STARD13: variants seen among roughly 807,000 people sequenced by gnomAD.
STARD13 encodes the protein StAR related lipid transfer domain containing 13.
A neutral mutation model predicts 106.4 loss-of-function variants in STARD13; 62 were observed. That is an observed-to-expected ratio of 0.58 (90% confidence interval 0.48 to 0.72). The LOEUF is 0.72. STARD13 is among the 30% of genes least tolerant of loss of function. The pLI is 0.00. For synonymous variants in STARD13, 565 were observed against 553.0 expected, an observed-to-expected ratio of 1.02 and a Z score of -0.31; for missense variants, 1,387 against 1,424.0, an observed-to-expected ratio of 0.97 and a Z score of 0.42.
chr13:33,196,383 AAAC>A (rs2138071775), intron 1 of STARD13, among the ~76,000 whole-genome samples: 1 of 152,358 alleles, frequency 6.6e-6, no homozygotes, highest in African/African-American at 2.4e-5. Flanking sequence ...CTGTCTCAAA[AAAC>A]AATAATAATA....
At chr13:33,377,588 C>G in the STARD13 span, among the ~76,000 whole-genome samples, 1 of 151,470 alleles carries the variant, frequency 6.6e-6, no homozygotes, top group African/African-American at 2.4e-5. Flanking sequence ...TATTCTCCCC[C>G]ACCCCCGCTT....
the STARD13 span, among the ~76,000 whole-genome samples, chr13:33,669,410 C>T: frequency 6.6e-6 from 1 of 152,144 alleles, no homozygotes; most frequent in African/African-American, 2.4e-5. Context: ...CCTCTCATGC[C>T]TGGGTTCACT....
In STARD13 at chr13:33,129,653, C is replaced by T. The variant is rs551073805; in HGVS notation, c.1024G>A (p.Gly342Arg). 9.9e-6 allele frequency: 16 copies of T among 1,613,980 alleles called. No homozygotes were observed. The highest frequency in any genetic ancestry group is 3.3e-5 in the South Asian group (3 of 91,082). Residue 342 changes from glycine (G) to arginine (R), a missense_variant, in exon 5 of 14, where the codon GGG (glycine) becomes AGG (arginine). By Grantham distance (125) the Gly-to-Arg change is moderately radical. Coordinates refer to ENST00000336934, the MANE Select transcript of STARD13 (RefSeq NM_178006.4). ...TCCTTCAGGCAGGGCGTGCTCACCC[C>T]GCTGCTGCTGTGCTCCGACGGGCTG... is the stretch of plus-strand genomic sequence containing the variant. ...ESSPSEHSSS[G>R]VSTPCLKERK...
intron 12 of STARD13, among the ~76,000 whole-genome samples, chr13:33,107,877 TCCC>T (rs1454200729): frequency 7.9e-5 from 12 of 152,172 alleles, no homozygotes; most frequent in African/African-American, 2.9e-4. Flanking sequence ...TTATTAGAAT[TCCC>T]ATGATTTACT....
At chr13:33,593,094 C>G in the STARD13 span, among the ~76,000 whole-genome samples, 1 of 152,190 alleles carries the variant, frequency 6.6e-6, no homozygotes, top group African/African-American at 2.4e-5. Context: ...ACATGTGCCT[C>G]TATGAGCCAA....
the STARD13 span, among the ~76,000 whole-genome samples, chr13:33,606,966 G>A: frequency 0.015 from 2,268 of 152,226 alleles, 50 homozygotes; most frequent in East Asian, 0.049. Flanking sequence ...TGGATAATCC[G>A]GGTTAATCTC....
chr13:33,349,112 C>T (rs1195925393), exon 2 of STARD13: 17 of 702,056 alleles, frequency 2.4e-5, no homozygotes, highest in Admixed American at 1.0e-4. Flanking sequence ...TTAAATCTCC[C>T]GCTTCACCAG....
At position 33,105,536 on chromosome 13, in the gene STARD13, C is replaced by T; in HGVS notation, c.*57G>A. The T allele has an allele frequency of 2.4e-6, 3 of 1,228,796 alleles. No individual in the cohort carries two copies. Among genetic ancestry groups the T allele is most frequent in the East Asian group, 2.3e-5 (1 of 43,116 alleles). The allele number at this position is 1,228,796 out of a possible 1,614,324, so 76.1% of individuals were successfully genotyped here. ...CGCTTTCTCACATGCACACTCTCTGCCACACTCGTCACTTTAGCTTCCTCT... is the reference window on the plus strand; with the variant it reads ...CGCTTTCTCACATGCACACTCTCTGTCACACTCGTCACTTTAGCTTCCTCT... On this transcript the variant is annotated 3_prime_UTR_variant, in exon 14 of 14. Transcript: ENST00000336934.
rs1363975635 is a variant in STARD13 at position 33,113,635 on chromosome 13, G to T, written c.2282-704C>A. ...CAGCGTCACCTGTTCCATAATCTTG[G>T]GGTTTATGGAAATGGAGGCTGTGCT... On this transcript the variant is annotated intron_variant, in intron 8 of 13. Coordinates refer to ENST00000336934, the MANE Select transcript of STARD13 (RefSeq NM_178006.4). 22 of 481,408 alleles carry T rather than the reference G, an allele frequency of 4.6e-5. No homozygotes were observed. In the Admixed American group the frequency reaches 4.8e-4, roughly 11 times the overall value. The allele number at this position is 481,408 out of a possible 1,614,324, so 29.8% of individuals were successfully genotyped here.
At chr13:33,472,550 A>C in the STARD13 span, among the ~76,000 whole-genome samples, 1 of 152,066 alleles carries the variant, frequency 6.6e-6, no homozygotes, top group Non-Finnish European at 1.5e-5. Context: ...TCACATGTCA[A>C]AATATCTCCA....
At chr13:33,628,373 A>G in the STARD13 span, among the ~76,000 whole-genome samples, 1 of 152,166 alleles carries the variant, frequency 6.6e-6, no homozygotes, top group Non-Finnish European at 1.5e-5. Flanking sequence ...CCTCCACATC[A>G]GAAAGAACTC....
upstream of STARD13, among the ~76,000 whole-genome samples, chr13:33,288,439 T>TA (rs111875268): frequency 9.7e-3 from 1,390 of 143,866 alleles, 12 homozygotes; most frequent in African/African-American, 0.028. Flanking sequence ...CCTGGCCAAT[T>TA]AAAAAAAAAA....
the STARD13 span, among the ~76,000 whole-genome samples, chr13:33,455,671 C>A: frequency 2.0e-4 from 30 of 152,056 alleles, no homozygotes; most frequent in African/African-American, 6.8e-4. Flanking sequence ...CGGTGGCTCA[C>A]GCCTGTAATC....
the STARD13 span, among the ~76,000 whole-genome samples, chr13:33,473,858 G>A: frequency 6.6e-6 from 1 of 152,140 alleles, no homozygotes; most frequent in Non-Finnish European, 1.5e-5. Flanking sequence ...CAGACAGCAG[G>A]ATCTGCTCCT....
chr13:33,481,900 G>A, the STARD13 span, among the ~76,000 whole-genome samples: 22 of 151,242 alleles, frequency 1.5e-4, no homozygotes, highest in African/African-American at 4.8e-4. Flanking sequence ...GGAGAACAGC[G>A]TGAACCCAAG....
intron 12 of STARD13, among the ~76,000 whole-genome samples, chr13:33,107,334 A>C (rs1873902717): frequency 6.6e-6 from 1 of 152,210 alleles, no homozygotes; most frequent in South Asian, 2.1e-4. Context: ...CACCAAGGAC[A>C]TAAAGATATA....
Position 33,112,897 on chromosome 13 carries a change from C to G in STARD13, c.2316G>C (p.Gln772His). 6.2e-7 allele frequency: 1 copy of G among 1,612,578 alleles called. No homozygotes were observed. The highest frequency in any genetic ancestry group is 8.5e-7 in the Non-Finnish European group (1 of 1,179,404). Reference sequence around the variant, plus strand: ...CATCGGCCAGTAGCAGGATGGCAGCCTGCACGGCCTGCAGCCGCTGCTCTT... The same window carrying G: ...CATCGGCCAGTAGCAGGATGGCAGCGTGCACGGCCTGCAGCCGCTGCTCTT... The part of the protein sequence containing the change: ...VSKEQRLQAV[Q>H]AAILLLADEN... Residue 772 changes from glutamine (Q) to histidine (H), a missense_variant, in exon 9 of 14, where the codon CAG (glutamine) becomes CAC (histidine). Transcript: ENST00000336934.
the STARD13 span, among the ~76,000 whole-genome samples, chr13:33,560,525 A>C: frequency 6.6e-6 from 1 of 151,398 alleles, no homozygotes; most frequent in African/African-American, 2.5e-5. Flanking sequence ...ATACATAATC[A>C]GTCTTACATC....
At chr13:33,577,426 C>T in the STARD13 span, among the ~76,000 whole-genome samples, 1 of 152,096 alleles carries the variant, frequency 6.6e-6, no homozygotes, top group African/African-American at 2.4e-5. Flanking sequence ...AAGGATCTGC[C>T]TTTTCCTGTA....
Sources: gnomAD v4.1 joint callset for allele counts (sites outside exome capture counted in the v4.1 genomes callset) on GRCh38, gnomAD v4.1.1 for gene constraint, MANE v1.5 for transcripts, NCBI Gene and HGNC (gene_info 2026-07-23, HGNC 2026-07-21) for gene names.